Variants in BLTP3A observed in about 807,000 individuals in gnomAD.
BLTP3A encodes the protein bridge-like lipid transfer protein family member 3A.
chr6:34,857,326 T>C, the BLTP3A span: 1 of 1,613,316 alleles, frequency 6.2e-7, no homozygotes, highest in Non-Finnish European at 8.5e-7. Flanking sequence ...TGTGATTGTT[T>C]AGGTTTCCAC....
At chr6:34,793,186 A>C in the BLTP3A span, among the ~76,000 whole-genome samples, 3 of 152,232 alleles carry the variant, frequency 2.0e-5, no homozygotes, top group African/African-American at 7.2e-5. Context: ...TTTCAGGTGT[A>C]GCCGAGTGAC....
chr6:34,877,126 A>T, the BLTP3A span: 1 of 152,626 alleles, frequency 6.6e-6, no homozygotes, highest in Admixed American at 6.5e-5. Flanking sequence ...TACATGTTTA[A>T]AGCCATGGGT....
At chr6:34,838,116 TTTTA>T in the BLTP3A span, among the ~76,000 whole-genome samples, 2 of 152,172 alleles carry the variant, frequency 1.3e-5, no homozygotes, top group African/African-American at 4.8e-5. Context: ...AGATGAGACA[TTTTA>T]TTTTATTTTT....
the BLTP3A span, chr6:34,867,380 G>A: frequency 6.2e-7 from 1 of 1,614,006 alleles, no homozygotes; most frequent in Non-Finnish European, 8.5e-7. Flanking sequence ...CTTTCACCCG[G>A]TCAGCAGCTC....
chr6:34,810,053 A>G, the BLTP3A span, among the ~76,000 whole-genome samples: 1 of 152,242 alleles, frequency 6.6e-6, no homozygotes, highest in Non-Finnish European at 1.5e-5. Context: ...TATGCATGCC[A>G]CAAGTTTACA....
At chr6:34,811,358 C>T in the BLTP3A span, among the ~76,000 whole-genome samples, 2 of 151,964 alleles carry the variant, frequency 1.3e-5, no homozygotes, top group Non-Finnish European at 2.9e-5. Flanking sequence ...TTTTTTAATG[C>T]CTAAAATGAA....
At chr6:34,832,711 A>G in the BLTP3A span, among the ~76,000 whole-genome samples, 1 of 151,822 alleles carries the variant, frequency 6.6e-6, no homozygotes, top group African/African-American at 2.4e-5. Context: ...CGGCCTCCTA[A>G]AGTGCTGGGA....
At chr6:34,865,569 T>A in the BLTP3A span, among the ~76,000 whole-genome samples, 1 of 152,234 alleles carries the variant, frequency 6.6e-6, no homozygotes, top group Non-Finnish European at 1.5e-5. Flanking sequence ...CAGAAGTGGA[T>A]ATGGTAACTC....
At chr6:34,831,426 C>T in the BLTP3A span, among the ~76,000 whole-genome samples, 2 of 152,152 alleles carry the variant, frequency 1.3e-5, no homozygotes, top group Non-Finnish European at 2.9e-5. Context: ...CTGCGCCTGG[C>T]CCACCCTTAA....
the BLTP3A span, chr6:34,821,424 T>G: frequency 1.4e-5 from 5 of 362,518 alleles, no homozygotes; most frequent in Admixed American, 4.5e-5. Context: ...AGAGATGGTG[T>G]GGTCTGAGTG....
chr6:34,835,814 A>G, the BLTP3A span, among the ~76,000 whole-genome samples: 2 of 152,226 alleles, frequency 1.3e-5, no homozygotes, highest in Non-Finnish European at 2.9e-5. Context: ...CACAAAGAAG[A>G]GGCATCTCAC....
chr6:34,868,866 G>A, the BLTP3A span, among the ~76,000 whole-genome samples: 1 of 151,812 alleles, frequency 6.6e-6, no homozygotes, highest in Non-Finnish European at 1.5e-5. Flanking sequence ...ACTCCAGCCT[G>A]GGCAATAGAG....
chr6:34,835,964 A>G, the BLTP3A span, among the ~76,000 whole-genome samples: 14 of 152,340 alleles, frequency 9.2e-5, no homozygotes, highest in South Asian at 2.5e-3. Flanking sequence ...TAGACTAATT[A>G]TAATTAGGCT....
chr6:34,863,853 C>G, the BLTP3A span: 3 of 696,064 alleles, frequency 4.3e-6, no homozygotes, highest in Non-Finnish European at 4.5e-6. Flanking sequence ...CTCTTTACAG[C>G]CAGTAATAGG....
chr6:34,809,677 T>C, the BLTP3A span, among the ~76,000 whole-genome samples: 1 of 152,088 alleles, frequency 6.6e-6, no homozygotes, highest in African/African-American at 2.4e-5. Flanking sequence ...GCGATTCTCC[T>C]GCCTCAGCCT....
chr6:34,827,698 C>G, the BLTP3A span, among the ~76,000 whole-genome samples: 2 of 152,192 alleles, frequency 1.3e-5, no homozygotes, highest in Admixed American at 6.5e-5. Flanking sequence ...GTGGCACCAT[C>G]TCGGCTCACT....
At chr6:34,806,509 C>G in the BLTP3A span, among the ~76,000 whole-genome samples, 1 of 152,194 alleles carries the variant, frequency 6.6e-6, no homozygotes, top group Non-Finnish European at 1.5e-5. Flanking sequence ...CCTAAGCGTA[C>G]ATGTTGGTCA....
chr6:34,823,187 C>T, the BLTP3A span: 1 of 1,307,052 alleles, frequency 7.7e-7, no homozygotes, highest in Non-Finnish European at 1.1e-6. Context: ...ATGAATGACA[C>T]AGTCTGTGCT....
the BLTP3A span, among the ~76,000 whole-genome samples, chr6:34,826,097 C>CGAGA: frequency 5.7e-5 from 8 of 140,450 alleles, no homozygotes; most frequent in South Asian, 1.8e-3. Context: ...TGGTGCATCT[C>CGAGA]TGCTCACTGC....
Sources: allele counts gnomAD v4.1 joint callset (sites outside exome capture counted in the v4.1 genomes callset), GRCh38; gene constraint gnomAD v4.1.1; transcripts MANE v1.5; gene names NCBI Gene and HGNC (gene_info 2026-07-23, HGNC 2026-07-21).